The following KIAA1217 variants were observed in gnomAD, a reference collection of about 807,000 sequenced individuals.
The protein encoded by KIAA1217 is sickle tail protein homolog.
A neutral mutation model predicts 163.9 loss-of-function variants in KIAA1217; 88 were observed. That is an observed-to-expected ratio of 0.54 (90% CI 0.45 to 0.64). KIAA1217 has a LOEUF of 0.64. Ranked by LOEUF, KIAA1217 falls within the 30% of genes least tolerant of loss-of-function variation. The pLI, the probability that KIAA1217 is intolerant of heterozygous loss-of-function variation, is 0.00. For synonymous variants in KIAA1217, 903 were observed against 923.1 expected (o/e 0.98, Z 0.39); for missense variants, 2,372 against 2,475.0 (o/e 0.96, Z 0.88).
intron 2 of KIAA1217, among the ~76,000 whole-genome samples, chr10:24,224,847 G>A (rs966541749): frequency 1.7e-4 from 20 of 114,738 alleles, no homozygotes; most frequent in African/African-American, 7.4e-4. Flanking sequence ...TTTTTTTTGA[G>A]ATGGAGTCTC....
chr10:24,542,479 T>C, intron 17 of KIAA1217: 2 of 1,396,014 alleles, frequency 1.4e-6, no homozygotes, highest in Non-Finnish European at 1.9e-6. Context: ...CTTTTGCTAA[T>C]TGAGATTTTC....
chr10:24,283,757 T>C (rs1173126919), intron 2 of KIAA1217, among the ~76,000 whole-genome samples: 1 of 152,176 alleles, frequency 6.6e-6, no homozygotes, highest in Non-Finnish European at 1.5e-5. Flanking sequence ...TGAATGAGAG[T>C]TCCTGTTGCT....
At chr10:23,955,231 A>C (rs1174539520) in intron 1 of KIAA1217, among the ~76,000 whole-genome samples, 1 of 152,208 alleles carries the variant, frequency 6.6e-6, no homozygotes, top group Non-Finnish European at 1.5e-5. Flanking sequence ...CCAAGTCCTT[A>C]GCTGATAGCT....
At chr10:23,860,627 C>G (rs1314339626) in intron 1 of KIAA1217, among the ~76,000 whole-genome samples, 1 of 151,958 alleles carries the variant, frequency 6.6e-6, no homozygotes, top group Non-Finnish European at 1.5e-5. Context: ...TTTAAAAAAG[C>G]AAATACATTA....
intron 1 of KIAA1217, among the ~76,000 whole-genome samples, chr10:23,745,968 T>G (rs1003024674): frequency 6.6e-5 from 10 of 152,324 alleles, no homozygotes; most frequent in Non-Finnish European, 1.0e-4. Flanking sequence ...AAACACCACT[T>G]TTTGAAGGAC....
intron 5 of KIAA1217, among the ~76,000 whole-genome samples, chr10:24,439,611 G>T (rs2060323205): frequency 6.6e-6 from 1 of 151,012 alleles, no homozygotes; most frequent in Non-Finnish European, 1.5e-5. Context: ...TCACCAGCAG[G>T]TATGCATTCT....
chr10:23,801,679 C>T (rs1010092150), intron 1 of KIAA1217, among the ~76,000 whole-genome samples: 1 of 152,162 alleles, frequency 6.6e-6, no homozygotes, highest in African/African-American at 2.4e-5. Flanking sequence ...CTCGTTTACT[C>T]TGCACAGACA....
At chr10:24,218,749 A>G (rs2130832820) in intron 1 of KIAA1217, among the ~76,000 whole-genome samples, 2 of 152,216 alleles carry the variant, frequency 1.3e-5, no homozygotes, top group African/African-American at 4.8e-5. Context: ...TCGGCCTCCC[A>G]AAGTGCTGGG....
intron 2 of KIAA1217, among the ~76,000 whole-genome samples, chr10:24,091,127 A>C (rs2061923414): frequency 6.6e-6 from 1 of 151,920 alleles, no homozygotes; most frequent in African/African-American, 2.4e-5. Context: ...TGAGTTTTTA[A>C]GGCGTTAAAT....
At chr10:24,363,249 G>A (rs939027904) in intron 2 of KIAA1217, among the ~76,000 whole-genome samples, 5 of 152,234 alleles carry the variant, frequency 3.3e-5, no homozygotes, top group East Asian at 3.9e-4. Context: ...TCATTGTGTG[G>A]TTACCCAATA....
chr10:23,941,753 G>T (rs552898391), intron 1 of KIAA1217, among the ~76,000 whole-genome samples: 1 of 152,152 alleles, frequency 6.6e-6, no homozygotes, highest in Non-Finnish European at 1.5e-5. Context: ...AGTACTGCAC[G>T]GCACTTAGAA....
At chr10:24,096,967 CAAGTT>C (rs1481409630) in intron 2 of KIAA1217, among the ~76,000 whole-genome samples, 4 of 152,064 alleles carry the variant, frequency 2.6e-5, no homozygotes, top group South Asian at 2.1e-4. Context: ...GACAGAAAAA[CAAGTT>C]AAGGTAATCA....
chr10:24,498,060 G>A (rs149991125), intron 8 of KIAA1217, among the ~76,000 whole-genome samples: 1 of 152,198 alleles, frequency 6.6e-6, no homozygotes, highest in East Asian at 1.9e-4. Flanking sequence ...AATTTGACTT[G>A]TTTATGGAAA....
rs548561015 is a variant in KIAA1217, at chr10:24,081,064, T to C, written c.-171+73690T>C. On this transcript the variant is annotated intron_variant, in intron 2 of 18. Transcript: ENST00000376462. ...TTTATTTAAGAGTCTGATGGAATGA[T>C]TGTGTTGTAGATGAGCTGAAAATCT... Among the ~76,000 whole-genome samples the C allele has an allele frequency of 6.6e-5, 10 of 152,286 alleles. No homozygotes were observed. The South Asian group carries it at 1.7e-3, about 25-fold the overall frequency.
intron 2 of KIAA1217, among the ~76,000 whole-genome samples, chr10:24,076,169 T>C (rs973003190): frequency 1.3e-5 from 2 of 152,182 alleles, no homozygotes; most frequent in African/African-American, 4.8e-5. Flanking sequence ...ACTCCCAAGC[T>C]GGCATGGCCA....
chr10:24,484,313 C>T (rs1186027465), intron 6 of KIAA1217, among the ~76,000 whole-genome samples: 4 of 134,680 alleles, frequency 3.0e-5, no homozygotes, highest in Non-Finnish European at 4.6e-5. Context: ...GGCATGATCT[C>T]GGCTCACTGC....
chr10:24,230,755 T>G (rs1424693946), intron 2 of KIAA1217, among the ~76,000 whole-genome samples: 1 of 152,154 alleles, frequency 6.6e-6, no homozygotes, highest in Non-Finnish European at 1.5e-5. Flanking sequence ...GATCTTGAAC[T>G]CCTGGCCTCA....
chr10:24,338,296 G>T (rs1251307382), intron 2 of KIAA1217, among the ~76,000 whole-genome samples: 1 of 152,132 alleles, frequency 6.6e-6, no homozygotes, highest in Non-Finnish European at 1.5e-5. Context: ...ATCTATGCAG[G>T]TGCATCCTCT....
At chr10:23,977,499 G>A (rs111843849) in intron 1 of KIAA1217, among the ~76,000 whole-genome samples, 1 of 152,080 alleles carries the variant, frequency 6.6e-6, no homozygotes, top group Non-Finnish European at 1.5e-5. Flanking sequence ...ACACTTTCAT[G>A]CTTGAGAACT....
Sources: allele counts gnomAD v4.1 joint callset (sites outside exome capture counted in the v4.1 genomes callset), GRCh38; gene constraint gnomAD v4.1.1; transcripts MANE v1.5; gene names NCBI Gene and HGNC (gene_info 2026-07-23, HGNC 2026-07-21).